The following FBN3 variants were observed in gnomAD, a reference collection of about 807,000 sequenced individuals.
FBN3 encodes fibrillin-3.
FBN3 carries 234 observed loss-of-function variants against 330.1 expected under a neutral mutation model. The observed-to-expected ratio is 0.71, with a 90% CI of 0.64 to 0.79. The LOEUF is 0.79. Among genes scored for constraint, FBN3 ranks in the 30% least tolerant of loss-of-function variants. The pLI is 0.00. For missense variants in FBN3, 3,606 were observed against 3,886.9 expected, an observed-to-expected ratio of 0.93 and a Z score of 1.92; for synonymous variants, 1,458 against 1,517.3, an observed-to-expected ratio of 0.96 and a Z score of 0.91.
chr19:8,146,955 C>T (rs2083560299), intron 3 of FBN3, 149 bp downstream of exon 3: 2 of 701,014 alleles, frequency 2.9e-6, no homozygotes. Context: ...GGCCTGGAAC[C>T]CTGAGGACAG....
intron 63 of FBN3, among the ~76,000 whole-genome samples, chr19:8,069,614 G>A (rs968556935): frequency 6.6e-6 from 1 of 152,108 alleles, no homozygotes; most frequent in African/African-American, 2.4e-5. Context: ...TTGAGACAGG[G>A]TCTGTCTGTC....
At chr19:8,078,289 T>C (rs2081690566) in intron 59 of FBN3, among the ~76,000 whole-genome samples, 1 of 152,162 alleles carries the variant, frequency 6.6e-6, no homozygotes, top group African/African-American at 2.4e-5. Flanking sequence ...GACACGGTCT[T>C]TCATTTACGT....
intron 38 of FBN3, among the ~76,000 whole-genome samples, chr19:8,104,289 T>C (rs1346720939): frequency 6.7e-6 from 1 of 148,740 alleles, no homozygotes; most frequent in Non-Finnish European, 1.5e-5. Flanking sequence ...CTGGGCAACA[T>C]AGTGAGGTCC....
chr19:8,138,627 A>G, intron 8 of FBN3, 63 bp from the exon 9 acceptor site: 1 of 1,492,940 alleles, frequency 6.7e-7, no homozygotes, highest in Non-Finnish European at 9.0e-7. Context: ...CTGGATCCAA[A>G]TTCCAGCTGT....
intron 33 of FBN3, 42 bp from the exon 34 acceptor site, chr19:8,111,009 AG>A (rs754468861): frequency 1.1e-5 from 18 of 1,613,936 alleles, no homozygotes; most frequent in Non-Finnish European, 1.5e-5. Context: ...CAGAGTCTGC[AG>A]GGGGGACCTA....
chr19:8,145,347 C>A (rs2083507866), intron 5 of FBN3, among the ~76,000 whole-genome samples: 2 of 140,334 alleles, frequency 1.4e-5, no homozygotes, highest in African/African-American at 2.7e-5. Context: ...GCATTCCAGC[C>A]TGGGCAACAG....
chr19:8,092,386 G>T (rs2082115964), intron 47 of FBN3, among the ~76,000 whole-genome samples: 1 of 151,862 alleles, frequency 6.6e-6, no homozygotes, highest in South Asian at 2.1e-4. Context: ...AGAAAATGTG[G>T]TATATAATAC....
In FBN3 at chr19:8,121,773, A is replaced by G. The variant is rs913597798; in HGVS notation, c.3083-387T>C. 6.6e-6 allele frequency among the ~76,000 whole-genome samples: 1 copy of G among 151,812 alleles called. No homozygotes were observed. Among genetic ancestry groups the G allele is most frequent in the African/African-American group, 2.4e-5 (1 of 41,284 alleles). On this transcript the variant is annotated intron_variant, in intron 24 of 63. Transcript: ENST00000600128. This position sits in a 1 kb window ranked among gnomAD's most constrained non-coding sequence, Gnocchi z 4.5. ...TTTATTTATTTACTTTTTTAGAGAC[A>G]GAGTCTTGCTCTGTCACCCAGGATG... is the stretch of plus-strand genomic sequence containing the variant.
chr19:8,088,110 T>C lies in FBN3; in HGVS notation c.6446A>G (p.Glu2149Gly), dbSNP rs567194707. The C allele has an allele frequency of 5.6e-6, 9 of 1,613,920 alleles. No homozygotes were observed. The African/African-American group carries it at 1.1e-4, about 19-fold the overall frequency. Residue 2149 changes from glutamate to glycine, a missense_variant, in exon 52 of 64, where the codon GAA becomes GGA. Transcript: ENST00000600128. ...CTCAAAGCCGTCAGCACAGGCACAT[T>C]CGAAGCCTCCGATGACATTGGTGCA... The part of the protein sequence containing the change: ...GTCTNVIGGF[E>G]CACADGFEPG...
Position 8,072,157 on chromosome 19 carries a change from T to C in FBN3, c.7979A>G (p.Asp2660Gly), listed in dbSNP as rs2081529122. ...SGLGFSPGPQ[D>G]TPDKEELLSS... is the part of the protein sequence containing the mutation. ...GAGCAGCTCCTCTTTGTCCGGGGTG[T>C]CCTGGGGTCCGGGGCTGAAGCCCAG... The change falls in exon 63 of 64, where the codon GAC (aspartate) becomes GGC (glycine). Residue 2660 changes from aspartate to glycine, a missense_variant. Physicochemically the swap from Asp to Gly is moderately conservative, Grantham distance 94. Transcript: ENST00000600128. 2.5e-6 allele frequency: 4 copies of C among 1,595,814 alleles called. No homozygotes were observed. The highest frequency in any genetic ancestry group is 3.4e-6 in the Non-Finnish European group (4 of 1,171,504).
intron 42 of FBN3, 35 bp from the exon 43 acceptor site, chr19:8,097,041 G>A (rs2082225906): frequency 1.2e-6 from 2 of 1,603,376 alleles, no homozygotes; most frequent in Non-Finnish European, 1.7e-6. Flanking sequence ...GGGGGTGACA[G>A]AGAAGCCCAT....
At chr19:8,081,328 G>A (rs1305932811) in intron 58 of FBN3, 30 bp downstream of exon 58, 16 of 1,576,380 alleles carry the variant, frequency 1.0e-5, no homozygotes, top group Non-Finnish European at 9.5e-6. Flanking sequence ...ATGCAGTGGT[G>A]GGAGTGGGGG....
chr19:8,133,200 C>T, intron 13 of FBN3, 94 bp from the exon 14 acceptor site: 18 of 1,432,340 alleles, frequency 1.3e-5, no homozygotes, highest in Non-Finnish European at 1.7e-5. Context: ...CCCCAGGATC[C>T]CTCCCTGGAG....
Position 8,094,545 on chromosome 19 carries a change from G to A in FBN3, c.5806C>T (p.Leu1936Phe). Residue 1936 changes from leucine (L) to phenylalanine (F), a missense_variant, in exon 47 of 64, where the codon CTT (leucine) becomes TTT (phenylalanine). By Grantham distance (22) the Leu-to-Phe change is conservative (BLOSUM62 0). Coordinates refer to ENST00000600128, the MANE Select transcript of FBN3 (RefSeq NM_032447.5). ...NCVDTNECLS[L>F]AGTCLPGTCQ... is the part of the protein sequence containing the mutation. ...GTGCCGGGTAGGCAGGTTCCTGCAA[G>A]GCTGAGGCACTCATTGGTGTCTGTG... is the stretch of plus-strand genomic sequence containing the variant. 1 of 1,613,896 alleles carries A rather than the reference G, an allele frequency of 6.2e-7. No individual in the cohort carries two copies.
Position 8,074,332 on chromosome 19 carries a change from G to A in FBN3, c.7702+739C>T, listed in dbSNP as rs139520983. ...GTGTGGGAAGCCCAAGAAGAACTTA[G>A]CTAAAGACCCACCATGACAGACAAA... On this transcript the variant is annotated intron_variant, in intron 61 of 63. Coordinates refer to ENST00000600128, the MANE Select transcript of FBN3 (RefSeq NM_032447.5). Among the ~76,000 whole-genome samples the A allele has an allele frequency of 2.0e-5, 3 of 152,168 alleles. No homozygotes were observed. In the East Asian group the frequency reaches 5.8e-4, roughly 29 times the overall value.
chr19:8,085,445 G>T lies in FBN3; in HGVS notation c.7005C>A (p.Arg2335=), dbSNP rs1263182498. Residue 2335 remains arginine, a synonymous_variant, in exon 56 of 64, where the codon CGC becomes CGA. Transcript: ENST00000600128. ...TGCCGGGCAGGGGACAGAGCTCGCAGCGGGGCCCCCAGCCCCGGCCACCCC... is the reference window on the plus strand; with the variant it reads ...TGCCGGGCAGGGGACAGAGCTCGCATCGGGGCCCCCAGCCCCGGCCACCCC... ...CCGGGRGWGP[R]CELCPLPGTS... is the part of the protein sequence containing the mutation. The T allele has an allele frequency of 6.3e-7, 1 of 1,577,846 alleles. No homozygotes were observed. The highest frequency in any genetic ancestry group is 2.3e-5 in the East Asian group (1 of 43,320).
Position 8,121,135 on chromosome 19 carries a change from G to A in FBN3, c.3211+123C>T. 1.0e-6 allele frequency: 1 copy of A among 956,660 alleles called. No homozygotes were observed. The highest frequency in any genetic ancestry group is 1.7e-5 in the South Asian group (1 of 59,386). The allele number at this position is 956,660 out of a possible 1,614,324, so 59.3% of individuals were successfully genotyped here. A position where few individuals can be genotyped will look rare whatever the true frequency, so the allele number is the denominator to read the frequency against. On this transcript the variant is annotated intron_variant, in intron 25 of 63. Coordinates refer to ENST00000600128, the MANE Select transcript of FBN3 (RefSeq NM_032447.5). This position sits in a 1 kb window ranked among gnomAD's most constrained non-coding sequence, Gnocchi z 4.5. The stretch of plus-strand genomic sequence containing the variant: ...CTCACTGTACCTCAGCTAATTTACA[G>A]CTCCTCCCTCCTCCTGCCCCCTCCA...
intron 37 of FBN3, 102 bp from the exon 38 acceptor site, chr19:8,106,335 T>C: frequency 8.1e-7 from 1 of 1,234,394 alleles, no homozygotes; most frequent in South Asian, 1.3e-5. Flanking sequence ...CTCTCGAGGA[T>C]CCCCAAGTGC....
chr19:8,073,347 C>G, intron 61 of FBN3, 50 bp from the exon 62 acceptor site: 1 of 1,450,576 alleles, frequency 6.9e-7, no homozygotes, highest in Non-Finnish European at 9.6e-7. Flanking sequence ...TGGGGCAGTG[C>G]AGCCTTCACA....
Sources: gnomAD v4.1 joint callset for allele counts (sites outside exome capture counted in the v4.1 genomes callset) on GRCh38, gnomAD v4.1.1 for gene constraint, Gnocchi (gnomAD v3.1) non-coding constraint, MANE v1.5 for transcripts, NCBI Gene and HGNC (gene_info 2026-07-23, HGNC 2026-07-21) for gene names.